Variants in CAMK2D observed in about 807,000 individuals in gnomAD.
CAMK2D encodes calcium/calmodulin dependent protein kinase II delta.
CAMK2D carries 37 observed loss-of-function variants against 84.0 expected under a neutral mutation model. The observed-to-expected ratio is 0.44, with a 90% CI of 0.34 to 0.58. The LOEUF (loss-of-function observed/expected upper bound fraction) is 0.58. Ranked by LOEUF, CAMK2D falls within the 20% of genes least tolerant of loss-of-function variation. The pLI, the probability that CAMK2D is intolerant of heterozygous loss-of-function variation, is 0.02. For synonymous variants in CAMK2D, 202 were observed against 212.5 expected (o/e 0.95, Z 0.43); for missense variants, 448 against 652.5 (o/e 0.69, Z 3.41).
chr4:113,657,747 A>G lies in CAMK2D; in HGVS notation c.220+3966T>C, dbSNP rs141382011. On this transcript the variant is annotated intron_variant, in intron 3 of 20. Transcript: ENST00000511664. Reference sequence around the variant, plus strand: ...TTGGAAGAAACCTTTTGCTTGCTGCAAGTTTTCAAGATTATTGATTCTGTG... The same window carrying G: ...TTGGAAGAAACCTTTTGCTTGCTGCGAGTTTTCAAGATTATTGATTCTGTG... Among the ~76,000 whole-genome samples, 5 of 152,280 alleles carry G rather than the reference A, an allele frequency of 3.3e-5. No individual in the cohort carries two copies. In the East Asian group the frequency reaches 9.6e-4, roughly 29 times the overall value.
intron 16 of CAMK2D, among the ~76,000 whole-genome samples, chr4:113,480,132 T>C (rs2154127468): frequency 6.6e-6 from 1 of 152,102 alleles, no homozygotes; most frequent in East Asian, 1.9e-4. Context: ...GGCTAATTTC[T>C]TTTGTATTTT....
rs1164998007 is a variant in CAMK2D at position 113,462,334 on chromosome 4, G to GTCTATCTATCTA, written c.1212-2094_1212-2093insTAGATAGATAGA. On this transcript the variant is annotated intron_variant, in intron 17 of 20. Transcript: ENST00000511664. ...TGTCTGTCTGTCTGTCTGTCTGTCTGTCTGTCTATCTATCTATCTATCTAT... is the reference window on the plus strand; with the variant it reads ...TGTCTGTCTGTCTGTCTGTCTGTCTGTCTATCTATCTATCTGTCTATCTATCTATCTATCTAT... Among the ~76,000 whole-genome samples the GTCTATCTATCTA allele has an allele frequency of 7.3e-3, 949 of 129,538 alleles. 10 individuals carry two copies. Among genetic ancestry groups the GTCTATCTATCTA allele is most frequent in the Middle Eastern group, 0.015 (4 of 272 alleles). The allele number at this position is 129,538 out of a possible 152,430, so 85.0% of individuals were successfully genotyped here. A position where few individuals can be genotyped will look rare whatever the true frequency, so the allele number is the denominator to read the frequency against.
rs2099371856 is a variant in CAMK2D at position 113,688,992 on chromosome 4, C to T, written c.161-27220G>A. Among the ~76,000 whole-genome samples, 3 of 151,192 alleles carry T rather than the reference C, an allele frequency of 2.0e-5. No individual in the cohort carries two copies. The South Asian group carries it at 6.3e-4, about 32-fold the overall frequency. On this transcript the variant is annotated intron_variant, in intron 2 of 20. Coordinates refer to ENST00000511664, the MANE Select transcript of CAMK2D (RefSeq NM_001321571.2). ...GGGTGCAGTGGCTCATGCCTGTAACCCCAGCACTTTGGGAGGCCAAGGCGG... is the reference window on the plus strand; with the variant it reads ...GGGTGCAGTGGCTCATGCCTGTAACTCCAGCACTTTGGGAGGCCAAGGCGG...
chr4:113,604,683 A>G (rs923623267), intron 4 of CAMK2D, among the ~76,000 whole-genome samples: 3 of 152,202 alleles, frequency 2.0e-5, no homozygotes, highest in African/African-American at 7.2e-5. Context: ...CCAAACAAAT[A>G]CCATTGCTAA....
At chr4:113,677,105 G>T (rs140994878) in intron 2 of CAMK2D, among the ~76,000 whole-genome samples, 1 of 152,110 alleles carries the variant, frequency 6.6e-6, no homozygotes, top group Admixed American at 6.5e-5. Context: ...AATACTAATC[G>T]CTCCTCTGTC....
At chr4:113,579,229 C>T (rs2098797439) in intron 4 of CAMK2D, among the ~76,000 whole-genome samples, 1 of 152,210 alleles carries the variant, frequency 6.6e-6, no homozygotes. Flanking sequence ...TGAGTCTTTG[C>T]TAAAATTGTT....
chr4:113,702,498 AACC>A (rs2099423274), intron 2 of CAMK2D, among the ~76,000 whole-genome samples: 1 of 152,226 alleles, frequency 6.6e-6, no homozygotes, highest in African/African-American at 2.4e-5. Context: ...CACAAATGCA[AACC>A]ACATATATAA....
chr4:113,691,762 A>T (rs1252540778), intron 2 of CAMK2D, among the ~76,000 whole-genome samples: 1 of 152,144 alleles, frequency 6.6e-6, no homozygotes, highest in East Asian at 1.9e-4. Context: ...AAAAATAAAA[A>T]TAAAAATAAA....
At chr4:113,751,875 T>C (rs945726443) in intron 2 of CAMK2D, among the ~76,000 whole-genome samples, 20 of 152,242 alleles carry the variant, frequency 1.3e-4, no homozygotes, top group African/African-American at 4.6e-4. Flanking sequence ...TGCCTATATT[T>C]AAGAGGGTAA....
At position 113,696,640 on chromosome 4, in the gene CAMK2D, T is replaced by C. The variant is rs183511740; in HGVS notation, c.161-34868A>G. On this transcript the variant is annotated intron_variant, in intron 2 of 20. Transcript: ENST00000511664. ...CTTCTCATCTTCATCACGGATGAGA[T>C]AAAATATACACAGAAGCCGCACAGT... 5.9e-3 allele frequency among the ~76,000 whole-genome samples: 905 copies of C among 152,180 alleles called. 8 individuals carry two copies. The highest frequency in any genetic ancestry group is 0.017 in the African/African-American group (695 of 41,546).
At chr4:113,548,577 T>C in intron 5 of CAMK2D, 1 of 689,222 alleles carries the variant, frequency 1.5e-6, no homozygotes, top group Non-Finnish European at 2.5e-6. Flanking sequence ...GGAACCATTT[T>C]AAATACCCAC....
chr4:113,597,324 C>G (rs2098931826), intron 4 of CAMK2D, among the ~76,000 whole-genome samples: 2 of 152,138 alleles, frequency 1.3e-5, no homozygotes, highest in Admixed American at 1.3e-4. Context: ...GTGCACAAAC[C>G]TTCATCACTT....
chr4:113,625,668 T>A (rs182376923), intron 3 of CAMK2D, among the ~76,000 whole-genome samples: 2 of 152,186 alleles, frequency 1.3e-5, no homozygotes, highest in African/African-American at 2.4e-5. Flanking sequence ...GGTGTGAGTA[T>A]CGGGGGTGTG....
At chr4:113,639,610 T>C (rs944124453) in intron 3 of CAMK2D, among the ~76,000 whole-genome samples, 9 of 147,054 alleles carry the variant, frequency 6.1e-5, no homozygotes, top group Admixed American at 5.4e-4. Context: ...GGCTGGGGGG[T>C]GATGCCAAAG....
intron 4 of CAMK2D, among the ~76,000 whole-genome samples, chr4:113,584,367 G>T (rs1369017314): frequency 6.6e-6 from 1 of 152,196 alleles, no homozygotes; most frequent in African/African-American, 2.4e-5. Context: ...TGTAGAATGT[G>T]AAGCATGGGA....
At chr4:113,685,301 C>T (rs112572170) in intron 2 of CAMK2D, among the ~76,000 whole-genome samples, 10,686 of 149,646 alleles carry the variant, frequency 0.071, 487 homozygotes, top group African/African-American at 0.13. Context: ...TGGAGTGGCG[C>T]GATCTCTGCT....
chr4:113,595,114 A>G (rs1357110568), intron 4 of CAMK2D, among the ~76,000 whole-genome samples: 1 of 152,126 alleles, frequency 6.6e-6, no homozygotes, highest in African/African-American at 2.4e-5. Context: ...AAGAGTGTGG[A>G]ATGAAACAAA....
chr4:113,646,957 T>C (rs532241494), intron 3 of CAMK2D, among the ~76,000 whole-genome samples: 8 of 152,196 alleles, frequency 5.3e-5, no homozygotes, highest in Non-Finnish European at 8.8e-5. Context: ...CTATTTATTA[T>C]CTCAAAAAAT....
At chr4:113,603,368 C>G (rs71582189) in intron 4 of CAMK2D, among the ~76,000 whole-genome samples, 1 of 114,490 alleles carries the variant, frequency 8.7e-6, no homozygotes, top group Non-Finnish European at 1.8e-5. Flanking sequence ...CCCCCTCCCC[C>G]CTCCCCCCAC....
Sources: allele counts gnomAD v4.1 joint callset (sites outside exome capture counted in the v4.1 genomes callset), GRCh38; gene constraint gnomAD v4.1.1; transcripts MANE v1.5; gene names NCBI Gene and HGNC (gene_info 2026-07-23, HGNC 2026-07-21).